HEMK2: variants seen among roughly 807,000 people sequenced by gnomAD.
HEMK2 encodes HemK methyltransferase 2, ETF1 glutamine and histone H4 lysine.
At chr21:28,885,061 T>G in the HEMK2 span, 2 of 1,212,632 alleles carry the variant, frequency 1.6e-6, no homozygotes, top group Non-Finnish European at 2.2e-6. Context: ...AGGAAAATTC[T>G]CAATTACGGC....
chr21:28,709,813 T>C, the HEMK2 span, among the ~76,000 whole-genome samples: 1 of 151,976 alleles, frequency 6.6e-6, no homozygotes, highest in Non-Finnish European at 1.5e-5. Flanking sequence ...CACCTGAAAA[T>C]AAAAGTCTGG....
the HEMK2 span, chr21:28,875,383 A>T: frequency 2.0e-5 from 3 of 152,164 alleles, no homozygotes; most frequent in Admixed American, 6.5e-5. Flanking sequence ...TCAAAAAGAG[A>T]CTAGTTATTT....
At chr21:28,796,183 G>A in the HEMK2 span, among the ~76,000 whole-genome samples, 8 of 152,156 alleles carry the variant, frequency 5.3e-5, no homozygotes, top group African/African-American at 1.7e-4. Context: ...CGCCCAGGAT[G>A]GAGTGCAGTG....
At chr21:28,880,928 TA>T in the HEMK2 span, among the ~76,000 whole-genome samples, 239 of 104,416 alleles carry the variant, frequency 2.3e-3, no homozygotes, top group Admixed American at 4.3e-3. Flanking sequence ...ATCATTTATT[TA>T]AAAAAAAAAA....
chr21:28,862,236 C>T, the HEMK2 span, among the ~76,000 whole-genome samples: 5 of 152,320 alleles, frequency 3.3e-5, no homozygotes, highest in East Asian at 9.6e-4. Context: ...GGCAGGACTA[C>T]AAATGACCCA....
chr21:28,863,410 T>TTTTTTA, the HEMK2 span, among the ~76,000 whole-genome samples: 1 of 38,938 alleles, frequency 2.6e-5, no homozygotes, highest in African/African-American at 7.0e-5. Context: ...AAACTCCCTT[T>TTTTTTA]TATATATATA....
chr21:28,603,971 C>T, the HEMK2 span, among the ~76,000 whole-genome samples: 3 of 152,180 alleles, frequency 2.0e-5, no homozygotes, highest in Admixed American at 6.5e-5. Context: ...GCAAGCTCTG[C>T]GTACTCATCT....
At chr21:28,864,895 A>G in the HEMK2 span, among the ~76,000 whole-genome samples, 267 of 135,428 alleles carry the variant, frequency 2.0e-3, 1 homozygote, top group African/African-American at 7.4e-3. Context: ...TAGATGATAG[A>G]TAGATATAGA....
At chr21:28,850,901 A>C in the HEMK2 span, among the ~76,000 whole-genome samples, 18 of 152,242 alleles carry the variant, frequency 1.2e-4, no homozygotes, top group African/African-American at 3.9e-4. Flanking sequence ...AGAGAAGGGG[A>C]GAGAAGGAAG....
At chr21:28,821,581 A>G in the HEMK2 span, among the ~76,000 whole-genome samples, 1 of 152,308 alleles carries the variant, frequency 6.6e-6, no homozygotes, top group South Asian at 2.1e-4. Context: ...AATCTAAATG[A>G]AAGTTCAATG....
the HEMK2 span, among the ~76,000 whole-genome samples, chr21:28,763,839 C>G: frequency 1.6e-3 from 242 of 152,228 alleles, 1 homozygote; most frequent in African/African-American, 5.7e-3. Context: ...ACCAACTACT[C>G]TCTTCCTGAG....
the HEMK2 span, among the ~76,000 whole-genome samples, chr21:28,596,700 A>G: frequency 6.6e-6 from 1 of 152,194 alleles, no homozygotes; most frequent in African/African-American, 2.4e-5. Flanking sequence ...TAATCTAGTA[A>G]CCATAGCTAG....
At chr21:28,879,951 G>C in the HEMK2 span, 1 of 1,589,030 alleles carries the variant, frequency 6.3e-7, no homozygotes, top group Non-Finnish European at 8.6e-7. Flanking sequence ...GCAAGCCTTT[G>C]ACCTAAATGT....
the HEMK2 span, among the ~76,000 whole-genome samples, chr21:28,860,747 G>A: frequency 6.6e-6 from 1 of 152,128 alleles, no homozygotes; most frequent in Admixed American, 6.5e-5. Flanking sequence ...ACAGCCATGG[G>A]AATGGATATT....
chr21:28,808,906 GTAT>G, the HEMK2 span, among the ~76,000 whole-genome samples: 1 of 152,064 alleles, frequency 6.6e-6, no homozygotes, highest in African/African-American at 2.4e-5. Context: ...TAAGAGAATG[GTAT>G]TATTAATGTT....
chr21:28,589,302 T>C, the HEMK2 span, among the ~76,000 whole-genome samples: 1 of 152,102 alleles, frequency 6.6e-6, no homozygotes. Context: ...GATTTCAACA[T>C]ATGCAGTTTT....
chr21:28,602,331 C>T, the HEMK2 span, among the ~76,000 whole-genome samples: 27 of 152,030 alleles, frequency 1.8e-4, no homozygotes, highest in African/African-American at 5.8e-4. Flanking sequence ...AAGGGATGTG[C>T]TACTCAGTAA....
chr21:28,592,075 A>T, the HEMK2 span, among the ~76,000 whole-genome samples: 1 of 152,190 alleles, frequency 6.6e-6, no homozygotes, highest in African/African-American at 2.4e-5. Flanking sequence ...CAGTAATAGG[A>T]TCGCTGGGTT....
chr21:28,665,387 A>ATTTTTTTTTTTTTTT, the HEMK2 span, among the ~76,000 whole-genome samples: 42 of 14,414 alleles, frequency 2.9e-3, no homozygotes, highest in South Asian at 3.9e-3. Flanking sequence ...TTTTTTTTTA[A>ATTTTTTTTTTTTTTT]TTTTTTTTTT....
Sources: allele counts gnomAD v4.1 joint callset (sites outside exome capture counted in the v4.1 genomes callset), GRCh38; gene constraint gnomAD v4.1.1; transcripts MANE v1.5; gene names NCBI Gene and HGNC (gene_info 2026-07-23, HGNC 2026-07-21).